NRG3: variants seen among roughly 807,000 people sequenced by gnomAD.
The protein encoded by NRG3 is pro-neuregulin-3, membrane-bound isoform.
Under a neutral mutation model 66.9 loss-of-function variants are expected in NRG3, and 31 were observed. The observed-to-expected ratio is 0.46, with a 90% CI of 0.35 to 0.63. NRG3 has a LOEUF of 0.63. Among genes scored for constraint, NRG3 ranks in the 20% least tolerant of loss-of-function variants. The pLI is 0.00. For missense variants in NRG3, 910 were observed against 878.9 expected (o/e 1.04, Z -0.45); for synonymous variants, 393 against 359.4 (o/e 1.09, Z -1.06).
At chr10:81,998,570 C>T (rs563913117) in intron 1 of NRG3, among the ~76,000 whole-genome samples, 1 of 152,078 alleles carries the variant, frequency 6.6e-6, no homozygotes, top group Non-Finnish European at 1.5e-5. Context: ...ACAATGTCCT[C>T]ATCTGGGTAA....
At chr10:82,650,253 T>C (rs2051305039) in intron 2 of NRG3, among the ~76,000 whole-genome samples, 1 of 152,222 alleles carries the variant, frequency 6.6e-6, no homozygotes, top group Non-Finnish European at 1.5e-5. Flanking sequence ...TAATATTTTG[T>C]AATTGTTACA....
chr10:81,948,326 A>T (rs529980036), intron 1 of NRG3, among the ~76,000 whole-genome samples: 2 of 152,206 alleles, frequency 1.3e-5, no homozygotes, highest in South Asian at 4.1e-4. Context: ...GGTTCATTTG[A>T]CTTTTAATAA....
At chr10:82,310,456 T>C (rs1448702771) in intron 1 of NRG3, among the ~76,000 whole-genome samples, 1 of 152,192 alleles carries the variant, frequency 6.6e-6, no homozygotes, top group Non-Finnish European at 1.5e-5. Flanking sequence ...ACAGTTTTTA[T>C]ACAACTATGA....
intron 1 of NRG3, among the ~76,000 whole-genome samples, chr10:82,139,768 T>C (rs922768616): frequency 6.6e-6 from 1 of 152,164 alleles, no homozygotes; most frequent in Non-Finnish European, 1.5e-5. Flanking sequence ...AAAGCACTGC[T>C]CTACAGAAAA....
At chr10:81,940,707 C>G (rs1848337416) in intron 1 of NRG3, among the ~76,000 whole-genome samples, 1 of 150,638 alleles carries the variant, frequency 6.6e-6, no homozygotes, top group Non-Finnish European at 1.5e-5. Flanking sequence ...TGCTTACATG[C>G]AAAAAGGCTG....
At position 82,320,668 on chromosome 10, in the gene NRG3, T is replaced by G. The variant is rs147973230; in HGVS notation, c.824-38071T>G. ...CACTAGCCAGAAACAGGGTAGCAGG[T>G]CTGGGGTAGAGACAGAGGTCCAAGT... On this transcript the variant is annotated intron_variant, in intron 1 of 8. Transcript: ENST00000372141. Among the ~76,000 whole-genome samples, 563 of 152,252 alleles carry G rather than the reference T, an allele frequency of 3.7e-3. 2 individuals carry two copies. Among genetic ancestry groups the G allele is most frequent in the African/African-American group, 0.013 (534 of 41,556 alleles).
intron 2 of NRG3, among the ~76,000 whole-genome samples, chr10:82,505,751 C>T (rs145095504): frequency 2.5e-3 from 388 of 152,248 alleles, no homozygotes; most frequent in African/African-American, 8.8e-3. Flanking sequence ...TTGCTTTGTC[C>T]GGGATTCTTT....
intron 1 of NRG3, among the ~76,000 whole-genome samples, chr10:81,972,440 A>T (rs2059965863): frequency 6.6e-6 from 1 of 152,172 alleles, no homozygotes. Flanking sequence ...TATGTTCAAA[A>T]ATTAAGTACA....
intron 2 of NRG3, among the ~76,000 whole-genome samples, chr10:82,601,045 T>G (rs2133394796): frequency 6.6e-6 from 1 of 152,292 alleles, no homozygotes; most frequent in Non-Finnish European, 1.5e-5. Flanking sequence ...ACACACACTA[T>G]TTGGTTTTCT....
chr10:82,227,683 C>T (rs962717130), intron 1 of NRG3, among the ~76,000 whole-genome samples: 1 of 151,936 alleles, frequency 6.6e-6, no homozygotes, highest in African/African-American at 2.4e-5. Flanking sequence ...GGAGAAGTTT[C>T]AATAAATGAT....
At chr10:82,683,801 A>G (rs1266656991) in intron 2 of NRG3, among the ~76,000 whole-genome samples, 2 of 152,244 alleles carry the variant, frequency 1.3e-5, no homozygotes, top group African/African-American at 2.4e-5. Flanking sequence ...AACAAATTCC[A>G]GTGATTTTAG....
chr10:82,829,484 A>G (rs2062406634), intron 3 of NRG3, among the ~76,000 whole-genome samples: 1 of 152,208 alleles, frequency 6.6e-6, no homozygotes, highest in African/African-American at 2.4e-5. Context: ...TAGCAATGAG[A>G]GCAACCATGC....
chr10:82,594,663 C>T (rs1004136228), intron 2 of NRG3, among the ~76,000 whole-genome samples: 3 of 152,070 alleles, frequency 2.0e-5, no homozygotes, highest in African/African-American at 7.2e-5. Flanking sequence ...TTATCTTTTA[C>T]AATTATTTCC....
At position 81,995,236 on chromosome 10, in the gene NRG3, G is replaced by T. The variant is rs182713242; in HGVS notation, c.823+119073G>T. On this transcript the variant is annotated intron_variant, in intron 1 of 8. Transcript: ENST00000372141. ...CATAGAAGCAATATGATTATATGAT[G>T]AATGCCAATAAATATTTAGTTATTA... Among the ~76,000 whole-genome samples the T allele has an allele frequency of 1.7e-3, 262 of 152,278 alleles. 2 individuals carry two copies. The highest frequency in any genetic ancestry group is 5.2e-3 in the African/African-American group (216 of 41,554).
chr10:82,858,291 T>C (rs1234680098), intron 3 of NRG3, among the ~76,000 whole-genome samples: 1 of 152,168 alleles, frequency 6.6e-6, no homozygotes, highest in African/African-American at 2.4e-5. Context: ...CCCCATTCCC[T>C]TCTCCCCTCC....
chr10:82,017,927 G>T (rs1361767947), intron 1 of NRG3, among the ~76,000 whole-genome samples: 2 of 152,158 alleles, frequency 1.3e-5, no homozygotes, highest in African/African-American at 4.8e-5. Flanking sequence ...TTGCTGTGCA[G>T]AAGCTCTTTA....
intron 8 of NRG3, among the ~76,000 whole-genome samples, chr10:82,980,149 G>C (rs941295371): frequency 1.6e-4 from 25 of 152,056 alleles, no homozygotes; most frequent in African/African-American, 5.3e-4. Flanking sequence ...AGGCTATACT[G>C]AGTGCACATG....
chr10:82,636,015 G>A (rs1388156630), intron 2 of NRG3, among the ~76,000 whole-genome samples: 1 of 152,126 alleles, frequency 6.6e-6, no homozygotes, highest in East Asian at 1.9e-4. Flanking sequence ...GGGGAAAGGA[G>A]TAGTAGCAAC....
chr10:82,251,637 T>A (rs1261821935), intron 1 of NRG3, among the ~76,000 whole-genome samples: 1 of 152,156 alleles, frequency 6.6e-6, no homozygotes, highest in East Asian at 1.9e-4. Flanking sequence ...ACACTTTGAT[T>A]TTTTTTCTAA....
Sources: allele counts gnomAD v4.1 joint callset (sites outside exome capture counted in the v4.1 genomes callset), GRCh38; gene constraint gnomAD v4.1.1; transcripts MANE v1.5; gene names NCBI Gene and HGNC (gene_info 2026-07-23, HGNC 2026-07-21).